ACTR3B: variants seen among roughly 807,000 people sequenced by gnomAD.
ACTR3B encodes actin related protein 3B, also known as actin-related protein 3B.
Under a neutral mutation model 59.0 loss-of-function variants are expected in ACTR3B, and 8 were observed. The observed-to-expected ratio is 0.14, with a 90% CI of 0.08 to 0.24. The LOEUF (loss-of-function observed/expected upper bound fraction) is 0.24. Among genes scored for constraint, ACTR3B ranks in the 10% least tolerant of loss-of-function variants. The pLI is 1.00. For missense variants in ACTR3B, 245 were observed against 552.3 expected (o/e 0.44, Z 5.58); for synonymous variants, 148 against 197.9 (o/e 0.75, Z 2.12).
At chr7:152,819,042 G>A (rs939362706) in intron 6 of ACTR3B, among the ~76,000 whole-genome samples, 4 of 152,246 alleles carry the variant, frequency 2.6e-5, no homozygotes, top group South Asian at 2.1e-4. Flanking sequence ...AAAATGTTAC[G>A]TGTAATGCAT....
Position 152,759,942 on chromosome 7 carries a change from C to G in ACTR3B, c.44+16C>G. ...GTGGCACCGGGTAAGAGCAGCTCGG[C>G]GCCCACCCCCGCTCCTCCGCGGCCC... On this transcript the variant is annotated intron_variant, in intron 1 of 11. Transcript: ENST00000256001. The G allele has an allele frequency of 7.3e-7, 1 of 1,361,292 alleles. No individual in the cohort carries two copies. The highest frequency in any genetic ancestry group is 9.5e-7 in the Non-Finnish European group (1 of 1,048,052). The allele number at this position is 1,361,292 out of a possible 1,614,324, so 84.3% of individuals were successfully genotyped here. A position where few individuals can be genotyped will look rare whatever the true frequency, so the allele number is the denominator to read the frequency against.
At chr7:152,829,042 G>GTATATATA (rs1246465902) in intron 9 of ACTR3B, among the ~76,000 whole-genome samples, 6 of 143,884 alleles carry the variant, frequency 4.2e-5, no homozygotes, top group African/African-American at 8.6e-5. Flanking sequence ...TTGTGTGTGT[G>GTATATATA]TGTATATATA....
chr7:152,818,016 G>A (rs1280339076), intron 6 of ACTR3B, among the ~76,000 whole-genome samples: 1 of 152,142 alleles, frequency 6.6e-6, no homozygotes, highest in Admixed American at 6.5e-5. Context: ...GCCCTGTGAA[G>A]TGTGCTCTAG....
intron 3 of ACTR3B, among the ~76,000 whole-genome samples, 167 bp downstream of exon 3, chr7:152,800,822 T>C (rs1458463956): frequency 6.6e-6 from 1 of 152,262 alleles, no homozygotes; most frequent in African/African-American, 2.4e-5. Context: ...GGGGTATTTT[T>C]GATTGGAGAA....
chr7:152,828,063 C>A (rs1347083063), intron 9 of ACTR3B, among the ~76,000 whole-genome samples: 15 of 151,738 alleles, frequency 9.9e-5, no homozygotes, highest in Admixed American at 2.0e-4. Context: ...TGGCTGGGTT[C>A]CTATAAAGTT....
At chr7:152,778,768 C>G (rs1232496583) in intron 1 of ACTR3B, among the ~76,000 whole-genome samples, 3 of 150,826 alleles carry the variant, frequency 2.0e-5, no homozygotes, top group African/African-American at 7.3e-5. Flanking sequence ...AGGAAGACCC[C>G]TCTGTACAAA....
Position 152,771,525 on chromosome 7 carries a change from A to G in ACTR3B, c.44+11599A>G, listed in dbSNP as rs999042465. 3.0e-4 allele frequency among the ~76,000 whole-genome samples: 45 copies of G among 152,338 alleles called. 1 individual carries two copies. Among genetic ancestry groups the G allele is most frequent in the Non-Finnish European group, 1.2e-4 (8 of 68,032 alleles). On this transcript the variant is annotated intron_variant, in intron 1 of 11. Coordinates refer to ENST00000256001, the MANE Select transcript of ACTR3B (RefSeq NM_020445.6). ...GAAATTACGTAGACCACGGTAGGAAAGAACAAAGAGGTCATGGTGATTAGA... is the reference window on the plus strand; with the variant it reads ...GAAATTACGTAGACCACGGTAGGAAGGAACAAAGAGGTCATGGTGATTAGA...
intron 5 of ACTR3B, among the ~76,000 whole-genome samples, chr7:152,815,873 A>T (rs1795650514): frequency 6.6e-6 from 1 of 152,270 alleles, no homozygotes; most frequent in African/African-American, 2.4e-5. Context: ...ATTAGAAATT[A>T]AAATCTTATG....
At chr7:152,792,386 T>C (rs1003065445) in intron 2 of ACTR3B, among the ~76,000 whole-genome samples, 5 of 152,184 alleles carry the variant, frequency 3.3e-5, no homozygotes, top group Admixed American at 1.3e-4. Context: ...TTCCTTCTTT[T>C]ATCATTTCTT....
At chr7:152,784,193 A>C (rs1355267207) in intron 2 of ACTR3B, among the ~76,000 whole-genome samples, 1 of 152,226 alleles carries the variant, frequency 6.6e-6, no homozygotes, top group African/African-American at 2.4e-5. Flanking sequence ...GAGAAAGTGA[A>C]ACTCTGTTCT....
chr7:152,845,259 T>A (rs1309687568), intron 9 of ACTR3B, among the ~76,000 whole-genome samples: 1 of 152,132 alleles, frequency 6.6e-6, no homozygotes, highest in African/African-American at 2.4e-5. Flanking sequence ...TTTGCCCTTT[T>A]TCTGTCTCTC....
At chr7:152,843,447 T>C (rs1434658061) in intron 9 of ACTR3B, among the ~76,000 whole-genome samples, 5 of 152,246 alleles carry the variant, frequency 3.3e-5, no homozygotes, top group South Asian at 2.1e-4. Flanking sequence ...AAGACTGTTA[T>C]TTCCCTATTG....
chr7:152,797,216 A>G lies in ACTR3B; in HGVS notation c.101-3315A>G, dbSNP rs142598911. On this transcript the variant is annotated intron_variant, in intron 2 of 11. Transcript: ENST00000256001. ...CAAGTGATCCTTTCAAGTAGCTAGG[A>G]CTACAGGCATGTGTGCCATTGTGCC... Among the ~76,000 whole-genome samples the G allele has an allele frequency of 2.3e-3, 356 of 152,122 alleles. 2 individuals carry two copies. Among genetic ancestry groups the G allele is most frequent in the African/African-American group, 8.1e-3 (338 of 41,496 alleles).
chr7:152,762,532 C>G (rs2098092886), intron 1 of ACTR3B, among the ~76,000 whole-genome samples: 1 of 152,174 alleles, frequency 6.6e-6, no homozygotes, highest in Admixed American at 6.5e-5. Flanking sequence ...AGATCATACC[C>G]TTTTATATCA....
chr7:152,766,068 C>T (rs912592189), intron 1 of ACTR3B, among the ~76,000 whole-genome samples: 3 of 152,178 alleles, frequency 2.0e-5, no homozygotes, highest in Middle Eastern at 3.4e-3. Flanking sequence ...AGAAGCTCTT[C>T]ATGTATTAAG....
intron 1 of ACTR3B, among the ~76,000 whole-genome samples, chr7:152,781,193 GTTTTTT>G (rs369933153): frequency 1.1e-5 from 1 of 94,420 alleles, no homozygotes; most frequent in South Asian, 4.0e-4. Flanking sequence ...CGTTTCAGTG[GTTTTTT>G]TTTTTTTTTT....
rs572747709 is a variant in ACTR3B, at chr7:152,805,038, C to T, written c.336+3307C>T. Among the ~76,000 whole-genome samples, 7 of 152,104 alleles carry T rather than the reference C, an allele frequency of 4.6e-5. No individual in the cohort carries two copies. In the East Asian group the frequency reaches 1.4e-3, roughly 29 times the overall value. On this transcript the variant is annotated intron_variant, in intron 4 of 11. Transcript: ENST00000256001. Reference sequence around the variant, plus strand: ...TTATTTCGCCTGCTCTCATATTTGGCCTCATTGTTCTGGCTTGTACCCTCA... The same window carrying T: ...TTATTTCGCCTGCTCTCATATTTGGTCTCATTGTTCTGGCTTGTACCCTCA...
intron 9 of ACTR3B, among the ~76,000 whole-genome samples, chr7:152,847,881 A>G (rs1798480326): frequency 1.3e-5 from 2 of 152,158 alleles, no homozygotes; most frequent in Non-Finnish European, 2.9e-5. Context: ...ACCCATCCCT[A>G]CAGTGGATAA....
chr7:152,779,921 A>G (rs544204734), intron 1 of ACTR3B, among the ~76,000 whole-genome samples: 2 of 152,372 alleles, frequency 1.3e-5, no homozygotes, highest in Non-Finnish European at 2.9e-5. Flanking sequence ...CTATTAATAT[A>G]TAAGGAATAG....
Sources: gnomAD v4.1 joint callset for allele counts (sites outside exome capture counted in the v4.1 genomes callset) on GRCh38, gnomAD v4.1.1 for gene constraint, MANE v1.5 for transcripts, NCBI Gene and HGNC (gene_info 2026-07-23, HGNC 2026-07-21) for gene names.